Variants in FHOD3 observed in about 807,000 individuals in gnomAD.
The protein encoded by FHOD3 is FH1/FH2 domain-containing protein 3.
In FHOD3, 90 loss-of-function variants were observed where a neutral mutation model predicts 173.0. That is an observed-to-expected ratio of 0.52 (90% CI 0.44 to 0.62). FHOD3 has a LOEUF of 0.62. Ranked by LOEUF, FHOD3 falls within the 20% of genes least tolerant of loss-of-function variation. The probability of loss-of-function intolerance (pLI) is 0.00; values close to 1 mark genes in which losing one functional copy is unlikely to be tolerated. For synonymous variants in FHOD3, 828 were observed against 823.0 expected (o/e 1.01, Z -0.10); for missense variants, 1,945 against 2,034.7 (o/e 0.96, Z 0.85).
chr18:36,510,723 T>G (rs973129554), intron 4 of FHOD3, among the ~76,000 whole-genome samples: 2 of 152,228 alleles, frequency 1.3e-5, no homozygotes, highest in Non-Finnish European at 2.9e-5. Context: ...GAGAGAATTA[T>G]TTTTTATTTC....
intron 17 of FHOD3, among the ~76,000 whole-genome samples, chr18:36,694,350 T>C (rs2039135523): frequency 6.6e-6 from 1 of 152,218 alleles, no homozygotes; most frequent in Non-Finnish European, 1.5e-5. Context: ...GGAACGATAT[T>C]GTCTGTCCAA....
chr18:36,664,814 G>GAGAGAGAGAGAGAT (rs766704398), intron 14 of FHOD3, among the ~76,000 whole-genome samples: 1 of 146,744 alleles, frequency 6.8e-6, no homozygotes, highest in Non-Finnish European at 1.5e-5. Flanking sequence ...GAGAGAGAGA[G>GAGAGAGAGAGAGAT]ATTGAGATTG....
intron 5 of FHOD3, among the ~76,000 whole-genome samples, chr18:36,516,933 A>G (rs1176108423): frequency 3.9e-5 from 6 of 152,028 alleles, no homozygotes; most frequent in African/African-American, 1.5e-4. Flanking sequence ...ACTTTCCCAG[A>G]TCTGCTTTTA....
intron 1 of FHOD3, among the ~76,000 whole-genome samples, chr18:36,334,508 CA>C (rs1262131841): frequency 1.3e-5 from 2 of 152,244 alleles, no homozygotes; most frequent in South Asian, 2.1e-4. Context: ...AGGACACAAA[CA>C]GGGGGTTTTA....
At chr18:36,582,692 A>C (rs1037804543) in intron 6 of FHOD3, among the ~76,000 whole-genome samples, 1 of 152,234 alleles carries the variant, frequency 6.6e-6, no homozygotes, top group Non-Finnish European at 1.5e-5. Context: ...TCAGCTCCTC[A>C]TCATACTGGT....
chr18:36,595,114 G>A (rs1161744324), intron 7 of FHOD3, among the ~76,000 whole-genome samples: 1 of 152,136 alleles, frequency 6.6e-6, no homozygotes, highest in African/African-American at 2.4e-5. Flanking sequence ...GAGCTTACCT[G>A]GGAGAGGTCA....
intron 7 of FHOD3, among the ~76,000 whole-genome samples, chr18:36,600,486 C>T (rs1014875480): frequency 1.2e-4 from 18 of 152,136 alleles, no homozygotes. Flanking sequence ...TAAATATTTC[C>T]GATTTTCTGC....
At chr18:36,597,820 A>C (rs1426709934) in intron 7 of FHOD3, among the ~76,000 whole-genome samples, 1 of 152,114 alleles carries the variant, frequency 6.6e-6, no homozygotes, top group Non-Finnish European at 1.5e-5. Flanking sequence ...AAAAAAAAAA[A>C]AGGAATGGCA....
intron 3 of FHOD3, among the ~76,000 whole-genome samples, chr18:36,408,694 T>C (rs577512031): frequency 6.6e-6 from 1 of 151,666 alleles, no homozygotes; most frequent in East Asian, 1.9e-4. Context: ...AGCCAAGGAG[T>C]TGGCAGGAAG....
At chr18:36,372,405 A>T (rs550361886) in intron 2 of FHOD3, among the ~76,000 whole-genome samples, 2 of 152,244 alleles carry the variant, frequency 1.3e-5, no homozygotes, top group African/African-American at 4.8e-5. Flanking sequence ...ATGGTCAAGC[A>T]TGACTTTGTG....
At chr18:36,728,592 GTT>G (rs113530739) in intron 19 of FHOD3, among the ~76,000 whole-genome samples, 4 of 144,636 alleles carry the variant, frequency 2.8e-5, no homozygotes, top group East Asian at 4.0e-4. Flanking sequence ...TTGTTGTTGG[GTT>G]TTTTTTTTTT....
chr18:36,497,088 TA>T (rs2054784655), intron 3 of FHOD3, among the ~76,000 whole-genome samples: 1 of 152,214 alleles, frequency 6.6e-6, no homozygotes, highest in African/African-American at 2.4e-5. Flanking sequence ...CTTAAAACAA[TA>T]AAAATCATTA....
Position 36,576,786 on chromosome 18 carries a change from C to T in FHOD3, c.606+241C>T, listed in dbSNP as rs78561700. Among the ~76,000 whole-genome samples the T allele has an allele frequency of 0.042, 6,385 of 152,190 alleles. 342 individuals carry two copies. The highest frequency in any genetic ancestry group is 0.15 in the East Asian group (778 of 5,176). On this transcript the variant is annotated intron_variant, in intron 6 of 28. Coordinates refer to ENST00000590592, the MANE Select transcript of FHOD3 (RefSeq NM_001281740.3). ...TTTAATCAAGTGCCTTTGGAACCTT[C>T]GGTTTTTAATATTTAATCAAATGTT...
At chr18:36,666,833 C>T (rs1344726619) in intron 14 of FHOD3, among the ~76,000 whole-genome samples, 1 of 152,142 alleles carries the variant, frequency 6.6e-6, no homozygotes, top group Admixed American at 6.5e-5. Flanking sequence ...CGTATGTGTA[C>T]AACAGTGAAA....
In FHOD3 at chr18:36,760,746, G is replaced by C. The variant is rs1440823844; in HGVS notation, c.4588G>C (p.Ala1530Pro). Residue 1530 changes from alanine (A) to proline (P), a missense_variant, in exon 27 of 29, where the codon GCG (alanine) becomes CCG (proline). Transcript: ENST00000590592. ...CCCCTCCGTGGAGGACGCCACCCCC[G>C]CGCTGGGCGTCCGCACACGCAGCCG... ...SSPSVEDATP[A>P]LGVRTRSRAS... The C allele has an allele frequency of 6.2e-7, 1 of 1,612,392 alleles. No individual in the cohort carries two copies. The highest frequency in any genetic ancestry group is 1.7e-5 in the Admixed American group (1 of 59,980).
At chr18:36,520,255 A>G (rs574326739) in intron 5 of FHOD3, among the ~76,000 whole-genome samples, 3 of 152,284 alleles carry the variant, frequency 2.0e-5, no homozygotes, top group African/African-American at 7.2e-5. Context: ...CACCACGCCC[A>G]GCCTCTTTCA....
At chr18:36,693,523 C>A in intron 17 of FHOD3, 100 bp downstream of exon 17, 1 of 1,079,638 alleles carries the variant, frequency 9.3e-7, no homozygotes, top group Non-Finnish European at 1.4e-6. Flanking sequence ...AATACTGAGA[C>A]AGCAACTATG....
intron 3 of FHOD3, among the ~76,000 whole-genome samples, chr18:36,476,076 C>T (rs1216613612): frequency 6.6e-6 from 1 of 152,126 alleles, no homozygotes; most frequent in Admixed American, 6.5e-5. Context: ...GAAGCTTGTT[C>T]ATTTGTTTAC....
At chr18:36,318,210 C>CT (rs559045050) in intron 1 of FHOD3, among the ~76,000 whole-genome samples, 11 of 151,016 alleles carry the variant, frequency 7.3e-5, no homozygotes, top group South Asian at 4.2e-4. Flanking sequence ...TAGGCAGGCT[C>CT]TTTTTTTGGT....
Sources: allele counts gnomAD v4.1 joint callset (sites outside exome capture counted in the v4.1 genomes callset), GRCh38; gene constraint gnomAD v4.1.1; transcripts MANE v1.5; gene names NCBI Gene and HGNC (gene_info 2026-07-23, HGNC 2026-07-21).